Variants in AGBL4 observed in about 807,000 individuals in gnomAD.
AGBL4 encodes the protein AGBL carboxypeptidase 4.
In AGBL4, 58 loss-of-function variants were observed where a neutral mutation model predicts 66.4. The observed-to-expected ratio is 0.87, with a 90% CI of 0.71 to 1.09. The LOEUF (loss-of-function observed/expected upper bound fraction) is 1.09, where lower values mean the gene tolerates loss of function less well. Among genes scored for constraint, AGBL4 ranks in the 50% least tolerant of loss-of-function variants. AGBL4 has a pLI of 0.00. For missense variants in AGBL4, 579 were observed against 631.0 expected (o/e 0.92, Z 0.88); for synonymous variants, 234 against 222.9 (o/e 1.05, Z -0.44).
At chr1:49,562,606 A>T (rs1036483185) in intron 3 of AGBL4, among the ~76,000 whole-genome samples, 77 of 152,238 alleles carry the variant, frequency 5.1e-4, no homozygotes, top group African/African-American at 1.8e-3. Flanking sequence ...TTTGTCAAAG[A>T]TCAGATATTT....
At chr1:49,380,824 C>T (rs1260575948) in intron 3 of AGBL4, among the ~76,000 whole-genome samples, 20 of 152,126 alleles carry the variant, frequency 1.3e-4, no homozygotes, top group Non-Finnish European at 4.4e-5. Flanking sequence ...CCCTTCCTTA[C>T]ACCTTATACA....
chr1:48,527,713 G>A, the AGBL4 span, among the ~76,000 whole-genome samples: 11 of 151,994 alleles, frequency 7.2e-5, no homozygotes. Flanking sequence ...GGACACATGA[G>A]CTAAGTCTTG....
intron 4 of AGBL4, among the ~76,000 whole-genome samples, chr1:49,207,595 TTTCTTTC>T (rs1190453903): frequency 1.5e-4 from 22 of 149,070 alleles, no homozygotes; most frequent in African/African-American, 5.0e-4. Context: ...TCTTTCTTTC[TTTCTTTC>T]TTCTTTTTAT....
chr1:49,866,966 T>A (rs963842485), intron 1 of AGBL4, among the ~76,000 whole-genome samples: 1 of 152,142 alleles, frequency 6.6e-6, no homozygotes, highest in Non-Finnish European at 1.5e-5. Context: ...CATTTTAATC[T>A]CGTCCTTTCT....
At position 49,003,684 on chromosome 1, in the gene AGBL4, T is replaced by C. The variant is rs536686732; in HGVS notation, c.594+41900A>G. ...CTCACAGTTACTCGTGTATGAGTCT[T>C]GCCTCCCACACTAGACTGGGTGCTT... is the stretch of plus-strand genomic sequence containing the variant. On this transcript the variant is annotated intron_variant, in intron 5 of 13. Coordinates refer to ENST00000371839, the MANE Select transcript of AGBL4 (RefSeq NM_032785.4). Among the ~76,000 whole-genome samples, 3 of 152,292 alleles carry C rather than the reference T, an allele frequency of 2.0e-5. No individual in the cohort carries two copies. The South Asian group carries it at 6.2e-4, about 32-fold the overall frequency.
At chr1:49,942,333 AC>A in intron 1 of AGBL4, among the ~76,000 whole-genome samples, 1 of 152,148 alleles carries the variant, frequency 6.6e-6, no homozygotes, top group Non-Finnish European at 1.5e-5. Context: ...AATAGAAAAA[AC>A]AATCCTAAAA....
At chr1:49,988,467 C>A (rs1204757940) in intron 1 of AGBL4, among the ~76,000 whole-genome samples, 1 of 152,104 alleles carries the variant, frequency 6.6e-6, no homozygotes, top group Non-Finnish European at 1.5e-5. Flanking sequence ...TGCTAGAGTG[C>A]ACATTTTCCC....
intron 4 of AGBL4, among the ~76,000 whole-genome samples, chr1:49,065,848 C>G (rs1310685357): frequency 1.3e-5 from 2 of 152,160 alleles, no homozygotes; most frequent in East Asian, 3.9e-4. Context: ...CCAGCCCATT[C>G]CTTTCTGAGA....
At chr1:49,291,467 A>G (rs78410722) in intron 3 of AGBL4, among the ~76,000 whole-genome samples, 2,340 of 152,352 alleles carry the variant, frequency 0.015, 29 homozygotes, top group Non-Finnish European at 0.024. Context: ...TGGTATAACA[A>G]TATTATACAT....
At position 49,559,021 on chromosome 1, in the gene AGBL4, T is replaced by C. The variant is rs532095881; in HGVS notation, c.282+138292A>G. ...TGGGGCCTGGGGGAACTCGCCATCC[T>C]GAAGGGAAGAACCATGGCCTGGCTG... On this transcript the variant is annotated intron_variant, in intron 3 of 13. Transcript: ENST00000371839. Among the ~76,000 whole-genome samples the C allele has an allele frequency of 2.6e-5, 4 of 152,250 alleles. No individual in the cohort carries two copies. The South Asian group carries it at 8.3e-4, about 32-fold the overall frequency.
At chr1:48,927,097 A>G (rs1654641098) in intron 5 of AGBL4, among the ~76,000 whole-genome samples, 1 of 152,046 alleles carries the variant, frequency 6.6e-6, no homozygotes, top group African/African-American at 2.4e-5. Flanking sequence ...CTCCCCCTAA[A>G]TGGAGGCAGG....
At chr1:49,981,412 A>C (rs1489594572) in intron 1 of AGBL4, among the ~76,000 whole-genome samples, 1 of 152,174 alleles carries the variant, frequency 6.6e-6, no homozygotes, top group African/African-American at 2.4e-5. Flanking sequence ...GTGTGTATGT[A>C]CCATTTTTAT....
At chr1:48,576,335 C>T (rs186382613) in intron 11 of AGBL4, among the ~76,000 whole-genome samples, 424 of 152,326 alleles carry the variant, frequency 2.8e-3, no homozygotes, top group Admixed American at 7.0e-3. Flanking sequence ...ACCATCTCCC[C>T]TCCTAACCCT....
intron 12 of AGBL4, among the ~76,000 whole-genome samples, chr1:48,539,373 C>T (rs1365979463): frequency 6.6e-6 from 1 of 152,166 alleles, no homozygotes; most frequent in African/African-American, 2.4e-5. Flanking sequence ...TGACTGAACT[C>T]AGCTCCCCAG....
intron 4 of AGBL4, among the ~76,000 whole-genome samples, chr1:49,126,361 G>A (rs964162813): frequency 2.2e-4 from 34 of 152,134 alleles, no homozygotes; most frequent in African/African-American, 7.7e-4. Flanking sequence ...CCATAGCACT[G>A]TGAAGCTCAT....
chr1:49,620,952 T>A (rs1010379853), intron 3 of AGBL4, among the ~76,000 whole-genome samples: 1 of 152,182 alleles, frequency 6.6e-6, no homozygotes, highest in Non-Finnish European at 1.5e-5. Context: ...TACAATGTTA[T>A]CTAGATACAT....
intron 4 of AGBL4, among the ~76,000 whole-genome samples, chr1:49,171,231 C>A (rs1276520238): frequency 6.6e-6 from 1 of 152,170 alleles, no homozygotes; most frequent in Non-Finnish European, 1.5e-5. Context: ...GGCACAAGGA[C>A]CCCTTCAAGT....
At chr1:49,520,003 G>C (rs1023467783) in intron 3 of AGBL4, among the ~76,000 whole-genome samples, 5 of 152,058 alleles carry the variant, frequency 3.3e-5, no homozygotes, top group Non-Finnish European at 7.4e-5. Context: ...TAAAAATATA[G>C]ATGGAGAATG....
At chr1:49,294,128 T>C (rs1644596113) in intron 3 of AGBL4, among the ~76,000 whole-genome samples, 1 of 152,216 alleles carries the variant, frequency 6.6e-6, no homozygotes, top group Non-Finnish European at 1.5e-5. Flanking sequence ...CTATGTCACT[T>C]AGTTGCATGT....
Sources: allele counts gnomAD v4.1 joint callset (sites outside exome capture counted in the v4.1 genomes callset), GRCh38; gene constraint gnomAD v4.1.1; transcripts MANE v1.5; gene names NCBI Gene and HGNC (gene_info 2026-07-23, HGNC 2026-07-21).